The following PTPRD variants were observed in gnomAD, a reference collection of about 807,000 sequenced individuals.
The protein encoded by PTPRD is protein tyrosine phosphatase receptor type D, also known as receptor-type tyrosine-protein phosphatase delta.
In PTPRD, 34 loss-of-function variants were observed where a neutral mutation model predicts 214.5. That is an observed-to-expected ratio of 0.16 (90% CI 0.12 to 0.21). The LOEUF (loss-of-function observed/expected upper bound fraction) is 0.21, where lower values mean the gene tolerates loss of function less well. Ranked by LOEUF, PTPRD falls within the 10% of genes least tolerant of loss-of-function variation. The pLI is 1.00. For synonymous variants in PTPRD, 1,128 were observed against 845.7 expected (o/e 1.33, Z -5.79); for missense variants, 2,545 against 2,398.7 (o/e 1.06, Z -1.27).
chr9:9,978,395 CAT>C (rs2095431532), intron 4 of PTPRD, among the ~76,000 whole-genome samples: 1 of 151,682 alleles, frequency 6.6e-6, no homozygotes, highest in African/African-American at 2.4e-5. Flanking sequence ...AAAGTGAAAA[CAT>C]AATGCAAGAA....
At position 10,004,674 on chromosome 9, in the gene PTPRD, A is replaced by G. The variant is rs181904913; in HGVS notation, c.-472+29044T>C. Among the ~76,000 whole-genome samples the G allele has an allele frequency of 1.1e-3, 166 of 152,156 alleles. 3 individuals carry two copies. The highest frequency in any genetic ancestry group is 4.8e-3 in the Admixed American group (73 of 15,254). ...CACACAGTGTAAACATAACGTTTTT[A>G]GATAATTCTATTTTTAAAATACCAA... On this transcript the variant is annotated intron_variant, in intron 4 of 45. Transcript: ENST00000381196.
intron 12 of PTPRD, among the ~76,000 whole-genome samples, chr9:8,711,061 G>A (rs1488637911): frequency 6.6e-6 from 1 of 152,032 alleles, no homozygotes; most frequent in East Asian, 1.9e-4. Flanking sequence ...TATCCAAAAT[G>A]TCCAATTTAT....
chr9:10,318,600 C>T (rs944159449), intron 3 of PTPRD, among the ~76,000 whole-genome samples: 2 of 151,800 alleles, frequency 1.3e-5, no homozygotes, highest in African/African-American at 2.4e-5. Context: ...GAAGGGAGTT[C>T]GTTTATATTT....
At chr9:9,648,522 T>G (rs568191457) in intron 7 of PTPRD, among the ~76,000 whole-genome samples, 3 of 152,324 alleles carry the variant, frequency 2.0e-5, no homozygotes, top group South Asian at 4.1e-4. Flanking sequence ...CAGACATTGA[T>G]GCTGGAGAGG....
At chr9:10,418,502 A>ACT (rs2098515985) in intron 2 of PTPRD, among the ~76,000 whole-genome samples, 5 of 140,168 alleles carry the variant, frequency 3.6e-5, no homozygotes, top group Admixed American at 7.1e-5. Flanking sequence ...CACACACTTC[A>ACT]TATCCTTCCT....
chr9:9,388,217 G>C (rs940441872), intron 9 of PTPRD, among the ~76,000 whole-genome samples: 1 of 152,072 alleles, frequency 6.6e-6, no homozygotes, highest in Non-Finnish European at 1.5e-5. Context: ...TACCTTGCTA[G>C]GGTCTTGGGT....
chr9:9,404,330 G>A (rs1310775045), intron 8 of PTPRD, among the ~76,000 whole-genome samples: 1 of 152,096 alleles, frequency 6.6e-6, no homozygotes, highest in Non-Finnish European at 1.5e-5. Context: ...ACCTTTCCAG[G>A]CAAGAGCTGG....
chr9:8,617,774 T>A (rs2095661135), intron 14 of PTPRD, among the ~76,000 whole-genome samples: 2 of 152,134 alleles, frequency 1.3e-5, no homozygotes, highest in Admixed American at 1.3e-4. Flanking sequence ...TATTTATATA[T>A]GTACATAAAA....
chr9:10,310,635 T>C (rs1206262249), intron 3 of PTPRD, among the ~76,000 whole-genome samples: 2 of 152,246 alleles, frequency 1.3e-5, no homozygotes, highest in East Asian at 3.9e-4. Context: ...TCCCAGGTTC[T>C]TGGGGAAAGT....
intron 9 of PTPRD, among the ~76,000 whole-genome samples, chr9:9,215,671 A>C (rs1436591613): frequency 6.6e-6 from 1 of 152,162 alleles, no homozygotes; most frequent in Non-Finnish European, 1.5e-5. Context: ...TGTACAACCC[A>C]GGAGGTTAAT....
chr9:8,929,831 GTGTA>G, intron 11 of PTPRD, among the ~76,000 whole-genome samples: 25 of 91,272 alleles, frequency 2.7e-4, no homozygotes, highest in African/African-American at 6.1e-4. Flanking sequence ...GTATATATAT[GTGTA>G]TATATATGTG....
chr9:9,096,652 T>C (rs1008698596), intron 10 of PTPRD, among the ~76,000 whole-genome samples: 31 of 152,240 alleles, frequency 2.0e-4, no homozygotes, highest in Admixed American at 2.0e-3. Flanking sequence ...ATAATACTCA[T>C]ATATCCTTTA....
At chr9:10,015,860 C>T (rs1006965576) in intron 4 of PTPRD, among the ~76,000 whole-genome samples, 1 of 151,896 alleles carries the variant, frequency 6.6e-6, no homozygotes, top group Non-Finnish European at 1.5e-5. Context: ...CATTTTGAAA[C>T]ATTTCATTTC....
At chr9:8,639,823 G>C (rs141725194) in intron 12 of PTPRD, among the ~76,000 whole-genome samples, 267 of 152,340 alleles carry the variant, frequency 1.8e-3, no homozygotes, top group African/African-American at 6.3e-3. Context: ...TCTAAATGGA[G>C]TGCAGAGAGA....
chr9:8,376,217 G>C, intron 38 of PTPRD, 127 bp from the exon 39 acceptor site: 3 of 1,081,366 alleles, frequency 2.8e-6, no homozygotes, highest in East Asian at 5.2e-5. Flanking sequence ...TAGCCTTTGG[G>C]AAGACACACT....
intron 2 of PTPRD, among the ~76,000 whole-genome samples, chr9:10,516,936 GTCTT>G (rs2050330750): frequency 6.6e-6 from 1 of 151,710 alleles, no homozygotes; most frequent in Non-Finnish European, 1.5e-5. Context: ...GCCTATATGT[GTCTT>G]TATGTTTGTA....
chr9:9,819,790 C>T (rs1401695275), intron 5 of PTPRD, among the ~76,000 whole-genome samples: 1 of 152,108 alleles, frequency 6.6e-6, no homozygotes, highest in Admixed American at 6.6e-5. Context: ...GGATAATGGC[C>T]TCCAGCACAG....
At chr9:9,846,758 A>C (rs1273894215) in intron 5 of PTPRD, among the ~76,000 whole-genome samples, 1 of 152,134 alleles carries the variant, frequency 6.6e-6, no homozygotes, top group Non-Finnish European at 1.5e-5. Context: ...TAGTGCTGAC[A>C]CTGCTTGGAC....
rs115780299 is a variant in PTPRD, at chr9:9,962,899, A to G, written c.-471-24289T>C. ...ACCATAACTTGAATAAAACAACTGA[A>G]TGAGAATGAATAAACTTACGTCAAA... On this transcript the variant is annotated intron_variant, in intron 4 of 45. Transcript: ENST00000381196. Among the ~76,000 whole-genome samples the G allele has an allele frequency of 9.3e-3, 1,421 of 152,214 alleles. 19 individuals are homozygous for G. Among genetic ancestry groups the G allele is most frequent in the African/African-American group, 0.031 (1,307 of 41,524 alleles).
Sources: allele counts gnomAD v4.1 joint callset (sites outside exome capture counted in the v4.1 genomes callset), GRCh38; gene constraint gnomAD v4.1.1; transcripts MANE v1.5; gene names NCBI Gene and HGNC (gene_info 2026-07-23, HGNC 2026-07-21).